Variants in PPP4R3B observed in about 807,000 individuals in gnomAD.
The protein encoded by PPP4R3B is protein phosphatase 4 regulatory subunit 3B, also known as serine/threonine-protein phosphatase 4 regulatory subunit 3B.
PPP4R3B carries 52 observed loss-of-function variants against 95.4 expected under a neutral mutation model. That is an observed-to-expected ratio of 0.54 (90% confidence interval 0.44 to 0.69). The LOEUF (loss-of-function observed/expected upper bound fraction) is 0.69. Ranked by LOEUF, PPP4R3B falls within the 30% of genes least tolerant of loss-of-function variation. The pLI is 0.00. For synonymous variants in PPP4R3B, 407 were observed against 343.9 expected, an observed-to-expected ratio of 1.18 and a Z score of -2.03; for missense variants, 1,003 against 1,005.9, an observed-to-expected ratio of 1.00 and a Z score of 0.04.
At chr2:55,583,357 A>G (rs1251738279) in intron 7 of PPP4R3B, among the ~76,000 whole-genome samples, 1 of 152,144 alleles carries the variant, frequency 6.6e-6, no homozygotes, top group Non-Finnish European at 1.5e-5. Flanking sequence ...AACCCCTAGA[A>G]GGTTGTTATA....
chr2:55,580,388 G>T (rs1689292018), intron 8 of PPP4R3B, among the ~76,000 whole-genome samples: 1 of 152,052 alleles, frequency 6.6e-6, no homozygotes, highest in South Asian at 2.1e-4. Flanking sequence ...TCCCAAGAAA[G>T]TAACAAAGAA....
At chr2:55,585,555 T>C (rs1355181265) in intron 6 of PPP4R3B, among the ~76,000 whole-genome samples, 3 of 152,198 alleles carry the variant, frequency 2.0e-5, no homozygotes, top group East Asian at 1.9e-4. Context: ...ATCTGCCTTT[T>C]GTCCTGATTT....
intron 11 of PPP4R3B, among the ~76,000 whole-genome samples, chr2:55,575,506 T>A (rs1450410914): frequency 1.3e-5 from 2 of 152,094 alleles, no homozygotes; most frequent in African/African-American, 2.4e-5. Context: ...AGGGCACTGG[T>A]GCAATTTCGG....
At chr2:55,575,587 A>G (rs1485261384) in intron 11 of PPP4R3B, among the ~76,000 whole-genome samples, 7 of 152,096 alleles carry the variant, frequency 4.6e-5, no homozygotes, top group Non-Finnish European at 1.0e-4. Flanking sequence ...CTGGGACCAC[A>G]GGGATATACC....
intron 6 of PPP4R3B, among the ~76,000 whole-genome samples, chr2:55,585,750 A>G (rs988430564): frequency 6.6e-6 from 1 of 152,200 alleles, no homozygotes; most frequent in Admixed American, 6.5e-5. Flanking sequence ...CAAAACCTTG[A>G]GGTGATTCTG....
intron 7 of PPP4R3B, 73 bp from the exon 8 acceptor site, chr2:55,581,771 C>A: frequency 2.0e-6 from 3 of 1,491,538 alleles, no homozygotes; most frequent in Non-Finnish European, 2.7e-6. Context: ...AAAACACCAA[C>A]TGAAAGAGCA....
intron 2 of PPP4R3B, among the ~76,000 whole-genome samples, chr2:55,613,466 C>A (rs1356256856): frequency 6.6e-6 from 1 of 151,810 alleles, no homozygotes; most frequent in Non-Finnish European, 1.5e-5. Flanking sequence ...TTAAATAATG[C>A]ATTTTTTCCA....
intron 7 of PPP4R3B, 24 bp downstream of exon 7, chr2:55,585,027 T>C (rs1689960420): frequency 3.9e-6 from 6 of 1,537,498 alleles, no homozygotes; most frequent in East Asian, 2.3e-5. Context: ...GTAATTCACA[T>C]AGAACCACAG....
chr2:55,551,753 AAAAT>A (rs34049444), intron 16 of PPP4R3B, among the ~76,000 whole-genome samples: 3 of 151,156 alleles, frequency 2.0e-5, no homozygotes, highest in Non-Finnish European at 4.4e-5. Context: ...CTCCATCTCA[AAAAT>A]AAATAAATAA....
chr2:55,609,566 AG>A (rs1693876788), intron 2 of PPP4R3B, among the ~76,000 whole-genome samples: 1 of 151,742 alleles, frequency 6.6e-6, no homozygotes, highest in Admixed American at 6.6e-5. Context: ...CCAGCTACTC[AG>A]GAGGCTGAGG....
At chr2:55,592,280 C>G (rs930892901) in intron 4 of PPP4R3B, among the ~76,000 whole-genome samples, 4 of 152,186 alleles carry the variant, frequency 2.6e-5, no homozygotes, top group Non-Finnish European at 5.9e-5. Flanking sequence ...TAGCTAGTGA[C>G]AGATGGATTT....
chr2:55,590,280 T>C (rs937937793), intron 4 of PPP4R3B, among the ~76,000 whole-genome samples: 2 of 151,926 alleles, frequency 1.3e-5, no homozygotes, highest in African/African-American at 2.4e-5. Context: ...TGAGCCGAGA[T>C]TGCGCCATTG....
intron 2 of PPP4R3B, among the ~76,000 whole-genome samples, chr2:55,611,082 G>C (rs918655329): frequency 2.6e-5 from 4 of 151,984 alleles, no homozygotes; most frequent in African/African-American, 9.7e-5. Flanking sequence ...GGCTGGTCTT[G>C]AACTCCTGGA....
At chr2:55,556,430 G>C (rs1685853301) in intron 16 of PPP4R3B, among the ~76,000 whole-genome samples, 1 of 151,988 alleles carries the variant, frequency 6.6e-6, no homozygotes, top group African/African-American at 2.4e-5. Flanking sequence ...AATATAACAG[G>C]AAAACAAAAT....
At position 55,613,456 on chromosome 2, in the gene PPP4R3B, T is replaced by G. The variant is rs1307001629; in HGVS notation, c.198+1995A>C. On this transcript the variant is annotated intron_variant, in intron 2 of 16. Transcript: ENST00000616407. The stretch of plus-strand genomic sequence containing the variant: ...AACATTTCCAAATGGTGTAATTTTT[T>G]TAAATAATGCATTTTTTCCAATACT... Among the ~76,000 whole-genome samples, 16 of 152,274 alleles carry G rather than the reference T, an allele frequency of 1.1e-4. 1 individual carries two copies. The highest frequency in any genetic ancestry group is 3.9e-4 in the Admixed American group (6 of 15,290).
intron 12 of PPP4R3B, among the ~76,000 whole-genome samples, chr2:55,571,321 T>A (rs1021461971): frequency 2.3e-4 from 35 of 149,342 alleles, no homozygotes; most frequent in African/African-American, 7.6e-4. Flanking sequence ...AAAAAAAAAA[T>A]GGAAATGCAT....
rs762340063 is a variant in PPP4R3B, at chr2:55,549,923, A to T, written c.2538T>A (p.Arg846=). The T allele has an allele frequency of 6.2e-7, 1 of 1,613,350 alleles. No homozygotes were observed. The highest frequency in any genetic ancestry group is 8.5e-7 in the Non-Finnish European group (1 of 1,179,426). ...CCTAATAAATATTTTATGAGCCAAG[A>T]CGAGGTCTTTTCCTGGGGGACGATT... The part of the protein sequence containing the change: ...EEESSPRKRP[R]LGS The change falls in exon 17 of 17, where the codon CGT becomes CGA. Residue 846 remains arginine (R), a synonymous_variant. Coordinates refer to ENST00000616407, the MANE Select transcript of PPP4R3B (RefSeq NM_001122964.3).
At chr2:55,582,232 G>C (rs1253433348) in intron 7 of PPP4R3B, among the ~76,000 whole-genome samples, 1 of 152,078 alleles carries the variant, frequency 6.6e-6, no homozygotes, top group African/African-American at 2.4e-5. Context: ...ATATTAAATA[G>C]ATTTGTTACA....
In PPP4R3B at chr2:55,585,164, T is replaced by C. The variant is rs765984975; in HGVS notation, c.1120A>G (p.Met374Val). ...ILPALEIVMG[M>V]DDLQVRSAAT... is the part of the protein sequence containing the mutation. ...GCTGATCTGACTTGCAAATCATCCA[T>C]GCCCTGATAAAAGGAAAATTAGGTT... Residue 374 changes from methionine to valine, a missense_variant, in exon 7 of 17, where the codon ATG becomes GTG. Coordinates refer to ENST00000616407, the MANE Select transcript of PPP4R3B (RefSeq NM_001122964.3). 6.9e-6 allele frequency: 11 copies of C among 1,594,476 alleles called. No homozygotes were observed. Among genetic ancestry groups the C allele is most frequent in the South Asian group, 1.2e-5 (1 of 86,222 alleles).
Sources: allele counts gnomAD v4.1 joint callset (sites outside exome capture counted in the v4.1 genomes callset), GRCh38; gene constraint gnomAD v4.1.1; transcripts MANE v1.5; gene names NCBI Gene and HGNC (gene_info 2026-07-23, HGNC 2026-07-21).